Variants in VWA1 observed in about 807,000 individuals in gnomAD.
VWA1 encodes the protein von Willebrand factor A domain containing 1.
Under a neutral mutation model 14.9 loss-of-function variants are expected in VWA1, and 12 were observed. That is an observed-to-expected ratio of 0.80 (90% CI 0.52 to 1.30). The LOEUF (loss-of-function observed/expected upper bound fraction) is 1.30, where lower values mean the gene tolerates loss of function less well. VWA1 is among the 50% of genes most tolerant of loss of function. The probability of loss-of-function intolerance (pLI) is 0.00; values close to 1 mark genes in which losing one functional copy is unlikely to be tolerated. For missense variants in VWA1, 800 were observed against 649.1 expected (o/e 1.23, Z -2.53); for synonymous variants, 368 against 310.7 (o/e 1.18, Z -1.94).
intron 2 of VWA1, 88 bp downstream of exon 2, chr1:1,437,572 C>T: frequency 1.3e-6 from 2 of 1,490,114 alleles, no homozygotes; most frequent in South Asian, 2.6e-5. Context: ...GATCTCATGT[C>T]CCCAGAGCAG....
chr1:1,435,710 G>A lies in VWA1; in HGVS notation c.-39G>A, dbSNP rs1458118798. On this transcript the variant is annotated 5_prime_UTR_variant, in exon 1 of 3. Coordinates refer to ENST00000476993, the MANE Select transcript of VWA1 (RefSeq NM_022834.5). ...CCTGCAGCCCCGAGCGAGCGAGCGAGCGAGCGAGTTGCCGAGCGCGCCCCG... is the reference window on the plus strand; with the variant it reads ...CCTGCAGCCCCGAGCGAGCGAGCGAACGAGCGAGTTGCCGAGCGCGCCCCG... 4 of 1,184,450 alleles carry A rather than the reference G, an allele frequency of 3.4e-6. No homozygotes were observed. Among genetic ancestry groups the A allele is most frequent in the Non-Finnish European group, 4.2e-6 (4 of 951,872 alleles). The allele number at this position is 1,184,450 out of a possible 1,614,324, so 73.4% of individuals were successfully genotyped here.
chr1:1,437,600 G>C (rs891095526), intron 2 of VWA1, 116 bp downstream of exon 2: 16 of 1,315,418 alleles, frequency 1.2e-5, no homozygotes, highest in Non-Finnish European at 1.4e-5. Context: ...GGCCTCCGGG[G>C]CTGTGGTACC....
intron 1 of VWA1, 149 bp downstream of exon 1, chr1:1,435,970 C>T (rs1291478044): frequency 5.4e-6 from 3 of 560,666 alleles, no homozygotes; most frequent in Non-Finnish European, 4.6e-6. Flanking sequence ...GGCGGAGCGT[C>T]CTGCTCACCT....
rs578075998 is a variant in VWA1 at position 1,435,694 on chromosome 1, C to CCGAGCGAG, written c.-38_-31dup. ...CCGCGCGGTGACGCGCCCTGCAGCC[C>CCGAGCGAG]CGAGCGAGCGAGCGAGCGAGCGAGT... On this transcript the variant is annotated 5_prime_UTR_variant, in exon 1 of 3. Transcript: ENST00000476993. 3,326 of 1,157,446 alleles carry CCGAGCGAG rather than the reference C, an allele frequency of 2.9e-3. 10 individuals carry two copies. The highest frequency in any genetic ancestry group is 7.6e-3 in the Middle Eastern group (25 of 3,296). 71.7% of individuals were successfully genotyped at this position (1,157,446 alleles called of 1,614,324 possible).
chr1:1,439,663 C>T lies in VWA1; in HGVS notation c.1214C>T (p.Ala405Val). The T allele has an allele frequency of 7.6e-7, 1 of 1,317,180 alleles. No individual in the cohort carries two copies. The highest frequency in any genetic ancestry group is 9.8e-7 in the Non-Finnish European group (1 of 1,025,228). The allele number at this position is 1,317,180 out of a possible 1,614,324, so 81.6% of individuals were successfully genotyped here. A position where few individuals can be genotyped will look rare whatever the true frequency, so the allele number is the denominator to read the frequency against. The change falls in exon 3 of 3, where the codon GCC becomes GTC. Residue 405 changes from alanine to valine, a missense_variant. Transcript: ENST00000476993. ...PGTAYLVTVT[A>V]AFRSGRESAL... ...ACCGCCTACCTGGTGACCGTGACCG[C>T]CGCCTTCCGCTCGGGCCGCGAGAGC...
Position 1,439,550 on chromosome 1 carries a change from G to A in VWA1, c.1101G>A (p.Gln367=), listed in dbSNP as rs1638615071. 3.8e-6 allele frequency: 5 copies of A among 1,325,214 alleles called. No homozygotes were observed. Among genetic ancestry groups the A allele is most frequent in the South Asian group, 3.4e-5 (2 of 59,336 alleles). 82.1% of individuals were successfully genotyped at this position (1,325,214 alleles called of 1,614,324 possible). A position where few individuals can be genotyped will look rare whatever the true frequency, so the allele number is the denominator to read the frequency against. Residue 367 remains glutamine (Q), a synonymous_variant, in exon 3 of 3, where the codon CAG becomes CAA. Coordinates refer to ENST00000476993, the MANE Select transcript of VWA1 (RefSeq NM_022834.5). Reference sequence around the variant, plus strand: ...CCGCGGCGCTCGGCTACCACGTGCAGTTCGGGCCGCTGCGGGGCGGGGAGG... The same window carrying A: ...CCGCGGCGCTCGGCTACCACGTGCAATTCGGGCCGCTGCGGGGCGGGGAGG... ...GSAAALGYHV[Q]FGPLRGGEAQ...
At position 1,439,817 on chromosome 1, in the gene VWA1, G is replaced by A. The variant is rs1326365837; in HGVS notation, c.*30G>A. The A allele has an allele frequency of 2.8e-6, 3 of 1,063,068 alleles. No homozygotes were observed. The highest frequency in any genetic ancestry group is 2.3e-6 in the Non-Finnish European group (2 of 879,682). The allele number at this position is 1,063,068 out of a possible 1,614,324, so 65.9% of individuals were successfully genotyped here. On this transcript the variant is annotated 3_prime_UTR_variant, in exon 3 of 3. Coordinates refer to ENST00000476993, the MANE Select transcript of VWA1 (RefSeq NM_022834.5). ...GCGTCCCCGCCCAGCCGAGAGGGCC[G>A]GCGCCTACCTGAGGGCCCCTGTGTC...
rs757761707 is a variant in VWA1, at chr1:1,439,084, C to A, written c.635C>A (p.Ala212Glu). The A allele has an allele frequency of 5.6e-6, 9 of 1,597,764 alleles. No individual in the cohort carries two copies. Among genetic ancestry groups the A allele is most frequent in the South Asian group, 4.4e-5 (4 of 90,854 alleles). Reference protein sequence around the residue: ...VQELRGSILDAMRPQQLHATE... With the variant: ...VQELRGSILDEMRPQQLHATE... ...TGACCCCCTGCACCACCCACAGACG[C>A]GATGCGGCCGCAGCAGCTCCATGCC... Residue 212 changes from alanine (A) to glutamate (E), a missense_variant, in exon 3 of 3, where the codon GCG becomes GAG. Transcript: ENST00000476993.
intron 1 of VWA1, 53 bp downstream of exon 1, chr1:1,435,874 C>A: frequency 9.7e-7 from 1 of 1,027,250 alleles, no homozygotes; most frequent in Non-Finnish European, 1.2e-6. Context: ...GACCGCTCTG[C>A]GCCGCTGCCC....
chr1:1,437,148 G>A lies in VWA1; in HGVS notation c.295G>A (p.Asp99Asn). The change falls in exon 2 of 3, where the codon GAT becomes AAT. Residue 99 changes from aspartate (D) to asparagine (N), a missense_variant. Coordinates refer to ENST00000476993, the MANE Select transcript of VWA1 (RefSeq NM_022834.5). ...GCACAGCTCGGGTGAGGCTGCCCAG[G>A]ATGCGGTGCGTGCTTCTGCCCAGCG... ...GQHSSGEAAQ[D>N]AVRASAQRMG... 1.2e-6 allele frequency: 2 copies of A among 1,607,700 alleles called. No individual in the cohort carries two copies. Among genetic ancestry groups the A allele is most frequent in the Non-Finnish European group, 1.7e-6 (2 of 1,176,326 alleles).
Position 1,439,761 on chromosome 1 carries a change from C to G in VWA1, c.1312C>G (p.Pro438Ala), listed in dbSNP as rs1023125265. 6.4e-6 allele frequency: 7 copies of G among 1,086,012 alleles called. No homozygotes were observed. Among genetic ancestry groups the G allele is most frequent in the South Asian group, 3.9e-5 (1 of 25,380 alleles). 67.3% of individuals were successfully genotyped at this position (1,086,012 alleles called of 1,614,324 possible). ...RPRPVPRAPT[P>A]GTASREP ...ACGCCCCGTGCCCCGCGCCCCGACCCCGGGGACCGCCAGCCGTGAGCCGTA... is the reference window on the plus strand; with the variant it reads ...ACGCCCCGTGCCCCGCGCCCCGACCGCGGGGACCGCCAGCCGTGAGCCGTA... The change falls in exon 3 of 3, where the codon CCG (proline) becomes GCG (alanine). Residue 438 changes from proline (P) to alanine (A), a missense_variant. Physicochemically the swap from Pro to Ala is conservative, Grantham distance 27 (BLOSUM62 -1). Coordinates refer to ENST00000476993, the MANE Select transcript of VWA1 (RefSeq NM_022834.5).
At position 1,441,779 on chromosome 1, in the gene VWA1, G is replaced by A. The variant is rs1475245566; in HGVS notation, c.*1992G>A. 1.3e-5 allele frequency: 2 copies of A among 152,306 alleles called. No homozygotes were observed. The highest frequency in any genetic ancestry group is 4.8e-5 in the African/African-American group (2 of 41,464). The allele number at this position is 152,306 out of a possible 1,614,324, so 9.4% of individuals were successfully genotyped here. A position where few individuals can be genotyped will look rare whatever the true frequency, so the allele number is the denominator to read the frequency against. On this transcript the variant is annotated 3_prime_UTR_variant, in exon 3 of 3. Coordinates refer to ENST00000476993, the MANE Select transcript of VWA1 (RefSeq NM_022834.5). ...CCCTGCAGGTGGCAGCGGGGCACCAGGGGCTCATTCCTGGTGGCCTCAGTG... is the reference window on the plus strand; with the variant it reads ...CCCTGCAGGTGGCAGCGGGGCACCAAGGGCTCATTCCTGGTGGCCTCAGTG...
Position 1,438,970 on chromosome 1 carries a change from T to C in VWA1, c.632-111T>C, listed in dbSNP as rs1009903731. The C allele has an allele frequency of 6.8e-5, 98 of 1,432,608 alleles. No individual in the cohort carries two copies. The South Asian group carries it at 1.3e-3, about 19-fold the overall frequency. The allele number at this position is 1,432,608 out of a possible 1,614,324, so 88.7% of individuals were successfully genotyped here. Reference sequence around the variant, plus strand: ...GCAGCTCCTTGGCCGCGGGGCCCCGTCTTTCCTAGTGGGGCCTCCAATCTC... The same window carrying C: ...GCAGCTCCTTGGCCGCGGGGCCCCGCCTTTCCTAGTGGGGCCTCCAATCTC... On this transcript the variant is annotated intron_variant, in intron 2 of 2. Coordinates refer to ENST00000476993, the MANE Select transcript of VWA1 (RefSeq NM_022834.5).
chr1:1,435,696 G>T lies in VWA1; in HGVS notation c.-53G>T, dbSNP rs1638520684. 6 of 1,095,136 alleles carry T rather than the reference G, an allele frequency of 5.5e-6. No homozygotes were observed. In the South Asian group the frequency reaches 1.4e-4, roughly 26 times the overall value. 67.8% of individuals were successfully genotyped at this position (1,095,136 alleles called of 1,614,324 possible). A position where few individuals can be genotyped will look rare whatever the true frequency, so the allele number is the denominator to read the frequency against. On this transcript the variant is annotated 5_prime_UTR_variant, in exon 1 of 3. Transcript: ENST00000476993. Reference sequence around the variant, plus strand: ...GCGCGGTGACGCGCCCTGCAGCCCCGAGCGAGCGAGCGAGCGAGCGAGTTG... The same window carrying T: ...GCGCGGTGACGCGCCCTGCAGCCCCTAGCGAGCGAGCGAGCGAGCGAGTTG...
rs1457312026 is a variant in VWA1, at chr1:1,442,813, A to G, written c.*3026A>G. Reference sequence around the variant, plus strand: ...TCCAAGCGTGGGCCACGCTGCTGGGAGCCACCTAGGGAAGCAGGTCGCCTG... The same window carrying G: ...TCCAAGCGTGGGCCACGCTGCTGGGGGCCACCTAGGGAAGCAGGTCGCCTG... On this transcript the variant is annotated 3_prime_UTR_variant, in exon 3 of 3. Coordinates refer to ENST00000476993, the MANE Select transcript of VWA1 (RefSeq NM_022834.5). 1.1e-5 allele frequency: 1 copy of G among 88,254 alleles called. No individual in the cohort carries two copies. Among genetic ancestry groups the G allele is most frequent in the African/African-American group, 4.5e-5 (1 of 22,266 alleles). 5.5% of individuals were successfully genotyped at this position (88,254 alleles called of 1,614,324 possible). A position where few individuals can be genotyped will look rare whatever the true frequency, so the allele number is the denominator to read the frequency against.
At chr1:1,437,937 G>A (rs1042615391) in intron 2 of VWA1, among the ~76,000 whole-genome samples, 2 of 152,198 alleles carry the variant, frequency 1.3e-5, no homozygotes, top group South Asian at 2.1e-4. Flanking sequence ...GACAGCCGCC[G>A]AGGGCTTTGA....
At position 1,441,098 on chromosome 1, in the gene VWA1, C is replaced by T. The variant is rs1448915353; in HGVS notation, c.*1311C>T. On this transcript the variant is annotated 3_prime_UTR_variant, in exon 3 of 3. Coordinates refer to ENST00000476993, the MANE Select transcript of VWA1 (RefSeq NM_022834.5). ...CCTCTGCTGGCAAAGCCACACCCTG[C>T]ACCGCATGGGGTCCACTGCCCCTTT... 6.6e-6 allele frequency: 1 copy of T among 152,286 alleles called. No individual in the cohort carries two copies. The highest frequency in any genetic ancestry group is 1.5e-5 in the Non-Finnish European group (1 of 68,126). 9.4% of individuals were successfully genotyped at this position (152,286 alleles called of 1,614,324 possible).
Position 1,435,711 on chromosome 1 carries a change from C to A in VWA1, c.-38C>A, listed in dbSNP as rs947109436. ...CTGCAGCCCCGAGCGAGCGAGCGAG[C>A]GAGCGAGTTGCCGAGCGCGCCCCGT... On this transcript the variant is annotated 5_prime_UTR_variant, in exon 1 of 3. Transcript: ENST00000476993. 41 of 1,182,696 alleles carry A rather than the reference C, an allele frequency of 3.5e-5. No homozygotes were observed. In the African/African-American group the frequency reaches 6.1e-4, roughly 18 times the overall value. The allele number at this position is 1,182,696 out of a possible 1,614,324, so 73.3% of individuals were successfully genotyped here.
At chr1:1,436,695 A>G (rs1012023663) in intron 1 of VWA1, 3 of 507,440 alleles carry the variant, frequency 5.9e-6, no homozygotes, top group African/African-American at 5.9e-5. Flanking sequence ...TCGCCCTCTC[A>G]CAGATGGGAT....
Sources: allele counts gnomAD v4.1 joint callset (sites outside exome capture counted in the v4.1 genomes callset), GRCh38; gene constraint gnomAD v4.1.1; transcripts MANE v1.5; gene names NCBI Gene and HGNC (gene_info 2026-07-23, HGNC 2026-07-21).